MAP3K5: variants seen among roughly 807,000 people sequenced by gnomAD.
MAP3K5 encodes ASK-1.
In MAP3K5, 56 loss-of-function variants were observed where a neutral mutation model predicts 158.7. The ratio of observed to expected loss-of-function variants is 0.35; its 90% CI spans 0.28 to 0.44. The LOEUF (loss-of-function observed/expected upper bound fraction) is 0.44. Among genes scored for constraint, MAP3K5 ranks in the 20% least tolerant of loss-of-function variants. The probability of loss-of-function intolerance (pLI) is 1.00; values close to 1 mark genes in which losing one functional copy is unlikely to be tolerated. For missense variants in MAP3K5, 1,294 were observed against 1,674.8 expected, an observed-to-expected ratio of 0.77 and a Z score of 3.97; for synonymous variants, 579 against 601.7, an observed-to-expected ratio of 0.96 and a Z score of 0.55.
intron 25 of MAP3K5, among the ~76,000 whole-genome samples, chr6:136,570,613 G>A (rs903759697): frequency 1.3e-5 from 2 of 152,124 alleles, no homozygotes; most frequent in Non-Finnish European, 2.9e-5. Context: ...CATAGACCTG[G>A]CTTTCTTTAT....
In MAP3K5 at chr6:136,694,065, C is replaced by A. The variant is rs187497152; in HGVS notation, c.1253+75G>T. On this transcript the variant is annotated intron_variant, in intron 7 of 29. Coordinates refer to ENST00000359015, the MANE Select transcript of MAP3K5 (RefSeq NM_005923.4). ...CTTATGGATTATAATAATACTTTAA[C>A]ACTCTCATTTGCAAATACTTTTTTA... 84 of 1,079,660 alleles carry A rather than the reference C, an allele frequency of 7.8e-5. No homozygotes were observed. The African/African-American group carries it at 8.5e-4, about 11-fold the overall frequency. The allele number at this position is 1,079,660 out of a possible 1,614,324, so 66.9% of individuals were successfully genotyped here.
intron 15 of MAP3K5, among the ~76,000 whole-genome samples, 186 bp downstream of exon 15, chr6:136,622,662 C>T (rs551493735): frequency 5.3e-5 from 8 of 152,342 alleles, no homozygotes; most frequent in Non-Finnish European, 7.4e-5. Flanking sequence ...TTGAAAGCCC[C>T]GTTCTTCCCC....
At chr6:136,557,893 T>G (rs1319195844) in intron 29 of MAP3K5, 75 bp from the exon 30 acceptor site, 1 of 949,548 alleles carries the variant, frequency 1.1e-6, no homozygotes. Context: ...AAAAGTGACT[T>G]CTTAGCTTTC....
chr6:136,591,089 T>C (rs537647309), intron 23 of MAP3K5, among the ~76,000 whole-genome samples: 1 of 152,334 alleles, frequency 6.6e-6, no homozygotes, highest in South Asian at 2.1e-4. Context: ...CAAGCTCTCT[T>C]GCCTGCCGCC....
At chr6:136,696,953 G>C (rs558614183) in intron 5 of MAP3K5, among the ~76,000 whole-genome samples, 1 of 152,328 alleles carries the variant, frequency 6.6e-6, no homozygotes, top group East Asian at 1.9e-4. Flanking sequence ...CCACAGGTTC[G>C]CTGTGCCAGC....
At chr6:136,787,554 G>C (rs922915570) in intron 1 of MAP3K5, among the ~76,000 whole-genome samples, 9 of 152,192 alleles carry the variant, frequency 5.9e-5, no homozygotes, top group Non-Finnish European at 1.2e-4. Context: ...AGTTAGAAAA[G>C]AATCAGGACC....
In MAP3K5 at chr6:136,656,385, G is replaced by GGCC. The variant is rs1778748806; in HGVS notation, c.1599_1601dup (p.Ala534dup). The GGCC allele has an allele frequency of 6.2e-7, 1 of 1,613,188 alleles. No homozygotes were observed. The highest frequency in any genetic ancestry group is 1.3e-5 in the African/African-American group (1 of 74,862). On this transcript the variant is annotated inframe_insertion, in exon 10 of 30. Coordinates refer to ENST00000359015, the MANE Select transcript of MAP3K5 (RefSeq NM_005923.4). The stretch of plus-strand genomic sequence containing the variant: ...TCCAAAAGTCCACAAGTTCTTGCTT[G>GGCC]GCCACAGGCTGTTCTGTGGTCAGTT...
At chr6:136,566,692 C>A (rs1033304590) in intron 26 of MAP3K5, among the ~76,000 whole-genome samples, 2 of 152,168 alleles carry the variant, frequency 1.3e-5, no homozygotes, top group Admixed American at 6.5e-5. Context: ...CTGCTCTATG[C>A]ACATCATAGA....
chr6:136,712,648 A>C (rs1781357992), intron 2 of MAP3K5, among the ~76,000 whole-genome samples: 1 of 152,208 alleles, frequency 6.6e-6, no homozygotes, highest in Non-Finnish European at 1.5e-5. Context: ...TCTACAGTAA[A>C]TCATACTTTA....
At chr6:136,642,433 T>C in intron 12 of MAP3K5, 87 bp downstream of exon 12, 1 of 945,020 alleles carries the variant, frequency 1.1e-6, no homozygotes, top group Non-Finnish European at 1.7e-6. Flanking sequence ...CCTTGTATTT[T>C]AAAATCATGA....
At chr6:136,680,681 AATT>A (rs1221292775) in intron 7 of MAP3K5, among the ~76,000 whole-genome samples, 1 of 152,196 alleles carries the variant, frequency 6.6e-6, no homozygotes, top group Non-Finnish European at 1.5e-5. Flanking sequence ...TGCAAAAATA[AATT>A]ATTCTCATCT....
At chr6:136,623,582 A>G (rs1170559408) in intron 14 of MAP3K5, among the ~76,000 whole-genome samples, 1 of 152,228 alleles carries the variant, frequency 6.6e-6, no homozygotes, top group Non-Finnish European at 1.5e-5. Flanking sequence ...GGAAATATCT[A>G]TAGTTCTAAA....
intron 1 of MAP3K5, among the ~76,000 whole-genome samples, chr6:136,787,133 C>T (rs1419274836): frequency 6.6e-6 from 1 of 152,134 alleles, no homozygotes; most frequent in African/African-American, 2.4e-5. Flanking sequence ...GAGGCAGAGG[C>T]AGGAGGATAG....
rs1780752749 is a variant in MAP3K5, at chr6:136,699,497, A to ATG, written c.613-816_613-815insCA. Among the ~76,000 whole-genome samples, 7 of 152,254 alleles carry ATG rather than the reference A, an allele frequency of 4.6e-5. 1 individual carries two copies. In the South Asian group the frequency reaches 1.5e-3, roughly 32 times the overall value. ...GGGAGAAAGAAGAAATTGCAATGCAACGTACAAGGGCCTGACTACGCAGAT... is the reference window on the plus strand; with the variant it reads ...GGGAGAAAGAAGAAATTGCAATGCAATGCGTACAAGGGCCTGACTACGCAGAT... On this transcript the variant is annotated intron_variant, in intron 3 of 29. Coordinates refer to ENST00000359015, the MANE Select transcript of MAP3K5 (RefSeq NM_005923.4).
intron 11 of MAP3K5, among the ~76,000 whole-genome samples, chr6:136,643,647 T>C (rs1778099914): frequency 6.6e-6 from 1 of 152,272 alleles, no homozygotes. Context: ...TAAAAATAGA[T>C]CCTCTCAAGT....
intron 1 of MAP3K5, among the ~76,000 whole-genome samples, chr6:136,785,219 C>T (rs767263056): frequency 1.3e-5 from 2 of 152,226 alleles, no homozygotes; most frequent in Non-Finnish European, 2.9e-5. Flanking sequence ...TCCTAAGGAG[C>T]TTTGCTGGAA....
rs907465071 is a variant in MAP3K5, at chr6:136,746,510, G to A, written c.449-25921C>T. Among the ~76,000 whole-genome samples the A allele has an allele frequency of 3.3e-5, 5 of 152,016 alleles. No homozygotes were observed. The East Asian group carries it at 5.8e-4, about 18-fold the overall frequency. On this transcript the variant is annotated intron_variant, in intron 1 of 29. Coordinates refer to ENST00000359015, the MANE Select transcript of MAP3K5 (RefSeq NM_005923.4). ...CACTGAACATCACGGAAAGAATGCCGGATACACAATTGAAAGTGGTATGCA... is the reference window on the plus strand; with the variant it reads ...CACTGAACATCACGGAAAGAATGCCAGATACACAATTGAAAGTGGTATGCA...
chr6:136,624,639 A>G (rs1776952426), intron 14 of MAP3K5, among the ~76,000 whole-genome samples: 1 of 152,234 alleles, frequency 6.6e-6, no homozygotes, highest in South Asian at 2.1e-4. Context: ...AAGACAGCCA[A>G]AAGTATATTT....
At chr6:136,740,907 T>C (rs898046425) in intron 1 of MAP3K5, among the ~76,000 whole-genome samples, 1 of 152,214 alleles carries the variant, frequency 6.6e-6, no homozygotes, top group Non-Finnish European at 1.5e-5. Flanking sequence ...GAGAGCTAGA[T>C]TTTTTACTTG....
Sources: allele counts gnomAD v4.1 joint callset (sites outside exome capture counted in the v4.1 genomes callset), GRCh38; gene constraint gnomAD v4.1.1; transcripts MANE v1.5; gene names NCBI Gene and HGNC (gene_info 2026-07-23, HGNC 2026-07-21).